ZGRF1: variants seen among roughly 807,000 people sequenced by gnomAD.
The protein encoded by ZGRF1 is 5'-3' DNA helicase ZGRF1.
Under a neutral mutation model 203.5 loss-of-function variants are expected in ZGRF1, and 196 were observed. The ratio of observed to expected loss-of-function variants is 0.96; its 90% CI spans 0.86 to 1.08. The LOEUF (loss-of-function observed/expected upper bound fraction) is 1.08, where lower values mean the gene tolerates loss of function less well. Among genes scored for constraint, ZGRF1 ranks in the 50% least tolerant of loss-of-function variants. The pLI, the probability that ZGRF1 is intolerant of heterozygous loss-of-function variation, is 0.00. For synonymous variants in ZGRF1, 809 were observed against 841.3 expected (o/e 0.96, Z 0.66); for missense variants, 2,326 against 2,416.3 (o/e 0.96, Z 0.78).
rs1324711222 is a variant in ZGRF1, at chr4:112,563,269, G to T, written c.4444C>A (p.Leu1482Ile). The T allele has an allele frequency of 5.8e-6, 9 of 1,549,544 alleles. No individual in the cohort carries two copies. In the East Asian group the frequency reaches 1.7e-4, roughly 30 times the overall value. Residue 1482 changes from leucine (L) to isoleucine (I), a missense_variant, in exon 17 of 28, where the codon CTT (leucine) becomes ATT (isoleucine). Leu to Ile is a conservative substitution (Grantham distance 5, BLOSUM62 2). Coordinates refer to ENST00000505019, the MANE Select transcript of ZGRF1 (RefSeq NM_018392.5). ...TCTAGGGTTTTTGAAACCACCCAAA[G>T]ATCATCTGAAAAGACAAACATTTTT... ...ERSSAYSKND[L>I]WVVSKTLDFE...
chr4:112,597,503 AAG>A (rs1749225010), intron 10 of ZGRF1, among the ~76,000 whole-genome samples: 1 of 151,798 alleles, frequency 6.6e-6, no homozygotes, highest in Admixed American at 6.6e-5. Flanking sequence ...CAGCCTAAGG[AAG>A]AGAGTGAGAC....
At chr4:112,576,638 A>G (rs1745287124) in intron 16 of ZGRF1, among the ~76,000 whole-genome samples, 1 of 152,186 alleles carries the variant, frequency 6.6e-6, no homozygotes, top group South Asian at 2.1e-4. Flanking sequence ...AATGCACAAG[A>G]CTCAGTAGCC....
In ZGRF1 at chr4:112,631,899, T is replaced by C. The variant is rs371088061; in HGVS notation, c.102+31A>G. ...AATCAAAAATCGAGAACCTTGCTCT[T>C]GCACCCTATAGTCAACTGCTTTGTA... On this transcript the variant is annotated intron_variant, in intron 3 of 27. Transcript: ENST00000505019. 1.1e-4 allele frequency: 146 copies of C among 1,284,414 alleles called. No individual in the cohort carries two copies. In the African/African-American group the frequency reaches 2.0e-3, roughly 18 times the overall value. 79.6% of individuals were successfully genotyped at this position (1,284,414 alleles called of 1,614,324 possible). A position where few individuals can be genotyped will look rare whatever the true frequency, so the allele number is the denominator to read the frequency against.
chr4:112,592,529 C>G (rs1240511366), intron 10 of ZGRF1, among the ~76,000 whole-genome samples: 2 of 152,162 alleles, frequency 1.3e-5, no homozygotes, highest in Non-Finnish European at 2.9e-5. Context: ...TATTGGATGT[C>G]TCAATAATAA....
intron 16 of ZGRF1, chr4:112,564,920 A>C: frequency 1.4e-6 from 1 of 706,918 alleles, no homozygotes; most frequent in Non-Finnish European, 2.6e-6. Flanking sequence ...CTCCAACGCC[A>C]GCGCCGCCTG....
At chr4:112,615,004 G>A (rs1287564383) in intron 6 of ZGRF1, among the ~76,000 whole-genome samples, 1 of 151,970 alleles carries the variant, frequency 6.6e-6, no homozygotes, top group Non-Finnish European at 1.5e-5. Context: ...TATTAAATAA[G>A]GTTCTTTAAG....
At chr4:112,614,147 T>A (rs2046785249) in intron 6 of ZGRF1, among the ~76,000 whole-genome samples, 1 of 133,742 alleles carries the variant, frequency 7.5e-6, no homozygotes, top group Non-Finnish European at 1.5e-5. Context: ...TGGCAAAATT[T>A]CTTCTTCTCT....
At chr4:112,632,139 T>C (rs1318095464) in intron 2 of ZGRF1, 129 bp from the exon 3 acceptor site, 2 of 386,612 alleles carry the variant, frequency 5.2e-6, no homozygotes, top group Non-Finnish European at 9.0e-6. Flanking sequence ...CATACACCCA[T>C]ATCAATTTTT....
At chr4:112,586,840 AAAGTT>A (rs1747275565) in intron 12 of ZGRF1, among the ~76,000 whole-genome samples, 1 of 152,306 alleles carries the variant, frequency 6.6e-6, no homozygotes, top group African/African-American at 2.4e-5. Flanking sequence ...TTGCTAGGAA[AAAGTT>A]AACTGATGTG....
At chr4:112,568,044 A>G (rs916138726) in intron 16 of ZGRF1, among the ~76,000 whole-genome samples, 3 of 152,232 alleles carry the variant, frequency 2.0e-5, no homozygotes, top group Non-Finnish European at 2.9e-5. Flanking sequence ...TCAATAGCCA[A>G]TTCAGATAAT....
intron 16 of ZGRF1, among the ~76,000 whole-genome samples, chr4:112,569,997 T>A (rs1743916832): frequency 6.6e-6 from 1 of 152,100 alleles, no homozygotes; most frequent in African/African-American, 2.4e-5. Context: ...ATTTAAAACA[T>A]ATATGTACCC....
At chr4:112,561,069 C>A in intron 18 of ZGRF1, 74 bp from the exon 19 acceptor site, 1 of 1,180,342 alleles carries the variant, frequency 8.5e-7, no homozygotes, top group South Asian at 1.3e-5. Flanking sequence ...TAATTCATAA[C>A]TTAGCCATCA....
intron 16 of ZGRF1, among the ~76,000 whole-genome samples, chr4:112,564,171 A>G (rs190834948): frequency 9.4e-4 from 143 of 152,362 alleles, no homozygotes; most frequent in Non-Finnish European, 1.2e-3. Flanking sequence ...GGATATTAGC[A>G]GTTCTAGCAA....
intron 17 of ZGRF1, 114 bp from the exon 18 acceptor site, chr4:112,562,599 TAAAAC>T (rs1298820493): frequency 1.8e-5 from 12 of 659,026 alleles, no homozygotes; most frequent in Admixed American, 5.0e-5. Flanking sequence ...GCACATGACA[TAAAAC>T]AAACCCTTAA....
At position 112,553,975 on chromosome 4, in the gene ZGRF1, C is replaced by G. The variant is rs753021763; in HGVS notation, c.5206G>C (p.Ala1736Pro). 6.2e-7 allele frequency: 1 copy of G among 1,606,130 alleles called. No individual in the cohort carries two copies. The highest frequency in any genetic ancestry group is 2.2e-5 in the East Asian group (1 of 44,778). The change falls in exon 22 of 28, where the codon GCT becomes CCT. Residue 1736 changes from alanine (A) to proline (P), a missense_variant. Ala to Pro is a conservative substitution (Grantham distance 27). Coordinates refer to ENST00000505019, the MANE Select transcript of ZGRF1 (RefSeq NM_018392.5). ...AKPILPYSLH[A>P]GSENESEQLK... ...TGTTCACTTTCATTTTCTGAGCCAG[C>G]ATGCAAGCTAAAGAATTATATTAAA...
At chr4:112,547,060 T>C (rs558540119) in intron 24 of ZGRF1, among the ~76,000 whole-genome samples, 22 of 152,310 alleles carry the variant, frequency 1.4e-4, no homozygotes, top group African/African-American at 5.3e-4. Flanking sequence ...AGTTATATAC[T>C]CCTACCCACT....
rs531053563 is a variant in ZGRF1 at position 112,540,456 on chromosome 4, T to G, written c.5911-332A>C. Among the ~76,000 whole-genome samples the G allele has an allele frequency of 2.6e-5, 4 of 152,282 alleles. No homozygotes were observed. In the South Asian group the frequency reaches 8.3e-4, roughly 32 times the overall value. ...AATTGGCTCATGTGTACATTAATAT[T>G]TGGTATCTATCCTTGATTTACTGAT... On this transcript the variant is annotated intron_variant, in intron 26 of 27. Transcript: ENST00000505019.
intron 10 of ZGRF1, among the ~76,000 whole-genome samples, chr4:112,600,184 A>G (rs997811043): frequency 6.6e-5 from 10 of 152,078 alleles, no homozygotes; most frequent in Admixed American, 5.2e-4. Context: ...GGCACGCAAC[A>G]TGACACCTAC....
intron 22 of ZGRF1, among the ~76,000 whole-genome samples, chr4:112,551,375 C>G (rs1048136158): frequency 6.6e-6 from 1 of 152,194 alleles, no homozygotes; most frequent in African/African-American, 2.4e-5. Flanking sequence ...TTCTAACAAT[C>G]TGAAGATCTA....
Sources: allele counts gnomAD v4.1 joint callset (sites outside exome capture counted in the v4.1 genomes callset), GRCh38; gene constraint gnomAD v4.1.1; transcripts MANE v1.5; gene names NCBI Gene and HGNC (gene_info 2026-07-23, HGNC 2026-07-21).